The following ST6GALNAC2 variants were observed in gnomAD, a reference collection of about 807,000 sequenced individuals.
ST6GALNAC2 encodes ST6 N-acetylgalactosaminide alpha-2,6-sialyltransferase 2.
ST6GALNAC2 carries 42 observed loss-of-function variants against 38.7 expected under a neutral mutation model. The observed-to-expected ratio is 1.09, with a 90% CI of 0.85 to 1.40. The LOEUF is 1.40. ST6GALNAC2 is among the 40% of genes most tolerant of loss of function. The pLI is 0.00. For missense variants in ST6GALNAC2, 506 were observed against 481.7 expected, an observed-to-expected ratio of 1.05 and a Z score of -0.47; for synonymous variants, 233 against 209.0, an observed-to-expected ratio of 1.11 and a Z score of -0.99.
Position 76,572,643 on chromosome 17 carries a change from T to C in ST6GALNAC2, c.663A>G (p.Gln221=), listed in dbSNP as rs1178074732. The C allele has an allele frequency of 2.5e-6, 4 of 1,613,946 alleles. No individual in the cohort carries two copies. Among genetic ancestry groups the C allele is most frequent in the Non-Finnish European group, 3.4e-6 (4 of 1,180,006 alleles). ...YWNLGFTSVP[Q]GQDLQYIFIP... is the part of the protein sequence containing the mutation. ...TGCCCGCCAGAGGCCTCACCTGTCCTTGTGGCACGGAGGTGAAGCCCAGAT... is the reference window on the plus strand; with the variant it reads ...TGCCCGCCAGAGGCCTCACCTGTCCCTGTGGCACGGAGGTGAAGCCCAGAT... Residue 221 remains glutamine, a synonymous_variant, in exon 5 of 9, where the codon CAA becomes CAG. Transcript: ENST00000225276.
At chr17:76,584,098 G>A (rs576623986) in intron 1 of ST6GALNAC2, among the ~76,000 whole-genome samples, 4 of 151,942 alleles carry the variant, frequency 2.6e-5, no homozygotes, top group South Asian at 2.1e-4. Context: ...GACTACAGGC[G>A]TGAGCCACCG....
intron 1 of ST6GALNAC2, among the ~76,000 whole-genome samples, chr17:76,585,452 T>C (rs2075534221): frequency 1.3e-5 from 2 of 151,926 alleles, no homozygotes. Flanking sequence ...AGGGGCGAGG[T>C]CTTCCTTGGA....
At chr17:76,576,324 G>A (rs551507746) in intron 2 of ST6GALNAC2, among the ~76,000 whole-genome samples, 1 of 152,294 alleles carries the variant, frequency 6.6e-6, no homozygotes, top group East Asian at 1.9e-4. Flanking sequence ...ACACTGAAAC[G>A]CTGTCAGGAA....
chr17:76,573,159 T>TACCACCCCCCC lies in ST6GALNAC2; in HGVS notation c.530+35_530+36insGGGGGGGTGGT. On this transcript the variant is annotated intron_variant, in intron 4 of 8. Coordinates refer to ENST00000225276, the MANE Select transcript of ST6GALNAC2 (RefSeq NM_006456.3). This position sits in a 1 kb window ranked among gnomAD's most constrained non-coding sequence, Gnocchi z 5.1. The stretch of plus-strand genomic sequence containing the variant: ...GACACCCCCACCCTCCAGGCAACTC[T>TACCACCCCCCC]CCCTCCCGCCCCTCCCCAGCTCCTA... 1 of 1,530,324 alleles carries TACCACCCCCCC rather than the reference T, an allele frequency of 6.5e-7. No individual in the cohort carries two copies. The highest frequency in any genetic ancestry group is 8.9e-7 in the Non-Finnish European group (1 of 1,120,832). 94.8% of individuals were successfully genotyped at this position (1,530,324 alleles called of 1,614,324 possible). A position where few individuals can be genotyped will look rare whatever the true frequency, so the allele number is the denominator to read the frequency against.
chr17:76,575,659 C>A (rs1274818735), intron 2 of ST6GALNAC2, among the ~76,000 whole-genome samples: 1 of 152,100 alleles, frequency 6.6e-6, no homozygotes, highest in African/African-American at 2.4e-5. Flanking sequence ...AGGCTGTGAT[C>A]ATTTGTTCCA....
At position 76,569,703 on chromosome 17, in the gene ST6GALNAC2, C is replaced by T. The variant is rs967801305; in HGVS notation, c.773+862G>A. ...TGTCTCTGAGGCAGCCCCTAAGGGC[C>T]CAAGCCCAGCGTGTCACAAAGCCCA... On this transcript the variant is annotated intron_variant, in intron 6 of 8. Transcript: ENST00000225276. 1.3e-5 allele frequency: 5 copies of T among 397,104 alleles called. No individual in the cohort carries two copies. The Admixed American group carries it at 2.2e-4, about 18-fold the overall frequency. 24.6% of individuals were successfully genotyped at this position (397,104 alleles called of 1,614,324 possible).
intron 6 of ST6GALNAC2, 49 bp downstream of exon 6, chr17:76,570,516 T>C: frequency 1.5e-6 from 2 of 1,343,878 alleles, no homozygotes; most frequent in Non-Finnish European, 2.1e-6. Context: ...AACCACAGTG[T>C]CCCTTGCCCC....
chr17:76,584,166 G>A (rs2075515400), intron 1 of ST6GALNAC2, among the ~76,000 whole-genome samples: 2 of 147,296 alleles, frequency 1.4e-5, no homozygotes, highest in South Asian at 4.3e-4. Context: ...AATCAAACCA[G>A]CTAATTAGCA....
chr17:76,578,328 C>T (rs142528953), intron 2 of ST6GALNAC2, among the ~76,000 whole-genome samples: 121 of 152,264 alleles, frequency 7.9e-4, no homozygotes, highest in Admixed American at 3.1e-3. Flanking sequence ...CTGTTACTTA[C>T]GGTTATAAGG....
At chr17:76,580,373 A>T (rs2143316438) in intron 1 of ST6GALNAC2, among the ~76,000 whole-genome samples, 1 of 152,128 alleles carries the variant, frequency 6.6e-6, no homozygotes, top group East Asian at 1.9e-4. Context: ...AGCTGAGATC[A>T]CACCACTGCA....
chr17:76,570,194 C>T (rs1247760839), intron 6 of ST6GALNAC2: 3 of 247,440 alleles, frequency 1.2e-5, no homozygotes, highest in East Asian at 1.0e-4. Flanking sequence ...AGTGGGACAG[C>T]GGACCCAGCC....
intron 6 of ST6GALNAC2, 143 bp from the exon 7 acceptor site, chr17:76,568,939 G>A: frequency 1.4e-6 from 1 of 699,292 alleles, no homozygotes; most frequent in South Asian, 1.7e-5. Flanking sequence ...GGAGAAGGGG[G>A]TGTAGAAGGT....
chr17:76,568,877 C>G, intron 6 of ST6GALNAC2, 81 bp from the exon 7 acceptor site: 1 of 1,384,964 alleles, frequency 7.2e-7, no homozygotes, highest in Non-Finnish European at 1.0e-6. Context: ...GTCAGGGCGC[C>G]GGAGTAGCCG....
intron 1 of ST6GALNAC2, among the ~76,000 whole-genome samples, chr17:76,583,586 CA>C (rs1217760632): frequency 7.2e-6 from 1 of 138,900 alleles, no homozygotes; most frequent in African/African-American, 2.6e-5. Context: ...GTCGAGGAAC[CA>C]CATTTGGTGA....
At position 76,572,605 on chromosome 17, in the gene ST6GALNAC2, A is replaced by C. The variant is rs757949457; in HGVS notation, c.669+32T>G. 1.9e-6 allele frequency: 3 copies of C among 1,612,534 alleles called. No homozygotes were observed. In the Admixed American group the frequency reaches 5.0e-5, roughly 27 times the overall value. On this transcript the variant is annotated intron_variant, in intron 5 of 8. Coordinates refer to ENST00000225276, the MANE Select transcript of ST6GALNAC2 (RefSeq NM_006456.3). ...CTCCAGGAACAATGGTGCCATTGTC[A>C]ACCACAATGGCATGCCCGCCAGAGG... is the stretch of plus-strand genomic sequence containing the variant.
Position 76,576,925 on chromosome 17 carries a change from G to A in ST6GALNAC2, c.186+1831C>T, listed in dbSNP as rs554728128. 7.4e-5 allele frequency among the ~76,000 whole-genome samples: 11 copies of A among 149,026 alleles called. No individual in the cohort carries two copies. The South Asian group carries it at 1.9e-3, about 26-fold the overall frequency. On this transcript the variant is annotated intron_variant, in intron 2 of 8. Coordinates refer to ENST00000225276, the MANE Select transcript of ST6GALNAC2 (RefSeq NM_006456.3). ...GCGGAGGTTGCAGTGAGCCAAGATG[G>A]CGCCATTGCACTCCAGCCTGGGCAA...
chr17:76,566,526 A>T (rs922250142), intron 8 of ST6GALNAC2, among the ~76,000 whole-genome samples: 2 of 152,122 alleles, frequency 1.3e-5, no homozygotes, highest in African/African-American at 4.8e-5. Context: ...TACTCTCTCC[A>T]TCCTAACTGG....
intron 1 of ST6GALNAC2, among the ~76,000 whole-genome samples, chr17:76,582,421 A>T (rs2075490781): frequency 7.0e-6 from 1 of 143,588 alleles, no homozygotes; most frequent in South Asian, 2.2e-4. Context: ...TGCCTGCCTC[A>T]GCCTCCCAAA....
In ST6GALNAC2 at chr17:76,575,485, C is replaced by A. The variant is rs570723689; in HGVS notation, c.187-946G>T. On this transcript the variant is annotated intron_variant, in intron 2 of 8. Transcript: ENST00000225276. ...GGTGATGATGAAGCAGGGATCTGTG[C>A]GATGCACCATAAGCCAAAGAGCAGT... 1.1e-3 allele frequency among the ~76,000 whole-genome samples: 164 copies of A among 152,154 alleles called. 1 individual carries two copies. Among genetic ancestry groups the A allele is most frequent in the African/African-American group, 3.8e-3 (159 of 41,504 alleles).
Sources: allele counts gnomAD v4.1 joint callset (sites outside exome capture counted in the v4.1 genomes callset), GRCh38; gene constraint gnomAD v4.1.1; non-coding constraint Gnocchi (gnomAD v3.1); transcripts MANE v1.5; gene names NCBI Gene and HGNC (gene_info 2026-07-23, HGNC 2026-07-21).